UGT1A5: variants seen among roughly 807,000 people sequenced by gnomAD.
The protein encoded by UGT1A5 is UDP glucuronosyltransferase family 1 member A5, also known as UDP-glucuronosyltransferase 1A5.
UGT1A5 carries 29 observed loss-of-function variants against 40.3 expected under a neutral mutation model. The ratio of observed to expected loss-of-function variants is 0.72; its 90% confidence interval spans 0.54 to 0.98. The LOEUF is 0.98. Among genes scored for constraint, UGT1A5 ranks in the 50% least tolerant of loss-of-function variants. UGT1A5 has a pLI of 0.00. For missense variants in UGT1A5, 678 were observed against 677.9 expected (o/e 1.00, Z 0.00); for synonymous variants, 257 against 262.5 (o/e 0.98, Z 0.20).
At chr2:233,719,637 A>T in intron 1 of UGT1A5, 1 of 1,614,040 alleles carries the variant, frequency 6.2e-7, no homozygotes. Flanking sequence ...CATGCCCAAC[A>T]TGGTCTTCAT....
At chr2:233,748,791 G>A (rs576937034) in intron 1 of UGT1A5, among the ~76,000 whole-genome samples, 1 of 151,524 alleles carries the variant, frequency 6.6e-6, no homozygotes, top group Admixed American at 6.6e-5. Flanking sequence ...TACTTGGAAT[G>A]CTGAAATTAT....
intron 4 of UGT1A5, 140 bp downstream of exon 4, chr2:233,768,579 CTTCTT>C (rs1699651499): frequency 9.6e-6 from 9 of 934,870 alleles, no homozygotes; most frequent in Non-Finnish European, 1.1e-5. Flanking sequence ...ATTTTTATTT[CTTCTT>C]TTTTTTTTTT....
intron 4 of UGT1A5, chr2:233,770,393 C>G (rs1386962280): frequency 3.3e-5 from 5 of 152,162 alleles, no homozygotes; most frequent in Admixed American, 3.3e-4. Context: ...GTGGCTCATG[C>G]CTGTAGTCCC....
Position 233,745,112 on chromosome 2 carries a change from G to A in UGT1A5, c.868-21922G>A, listed in dbSNP as rs1457181143. Among the ~76,000 whole-genome samples the A allele has an allele frequency of 3.3e-5, 5 of 151,730 alleles. No individual in the cohort carries two copies. In the South Asian group the frequency reaches 8.3e-4, roughly 25 times the overall value. On this transcript the variant is annotated intron_variant, in intron 1 of 4. Coordinates refer to ENST00000373414, the MANE Select transcript of UGT1A5 (RefSeq NM_019078.2). ...TCCCCCCAAATATTTTTAATCTGCT[G>A]TTGGCTGAATCTGCAGATGTGAAGC...
chr2:233,713,613 C>A lies in UGT1A5; in HGVS notation c.622C>A (p.Leu208Met), dbSNP rs769573194. The stretch of plus-strand genomic sequence containing the variant: ...GACCAATTCAGACCACATGACATTC[C>A]TGCAAAGGGTCAAGAACATGCTCTA... ...LTTNSDHMTF[L>M]QRVKNMLYPL... is the part of the protein sequence containing the mutation. The change falls in exon 1 of 5, where the codon CTG (leucine) becomes ATG (methionine). Residue 208 changes from leucine to methionine, a missense_variant. Physicochemically the swap from Leu to Met is conservative, Grantham distance 15 (BLOSUM62 2). Coordinates refer to ENST00000373414, the MANE Select transcript of UGT1A5 (RefSeq NM_019078.2). The A allele has an allele frequency of 5.0e-6, 8 of 1,614,012 alleles. No homozygotes were observed. The highest frequency in any genetic ancestry group is 2.7e-5 in the African/African-American group (2 of 75,058).
intron 1 of UGT1A5, among the ~76,000 whole-genome samples, chr2:233,750,390 A>T (rs1292559370): frequency 3.9e-5 from 6 of 151,942 alleles, no homozygotes; most frequent in Admixed American, 2.0e-4. Context: ...AAGTTTGGAA[A>T]ATTTGCAGCC....
At chr2:233,747,277 G>A (rs1044373750) in intron 1 of UGT1A5, 304 of 1,599,338 alleles carry the variant, frequency 1.9e-4, no homozygotes, top group Non-Finnish European at 2.4e-4. Context: ...CCTTCTCAGT[G>A]CCCAGCCCTG....
chr2:233,741,893 G>A (rs1575644502), intron 1 of UGT1A5: 1 of 151,848 alleles, frequency 6.6e-6, no homozygotes. Context: ...TAGAAGAAGG[G>A]ACCCTTTGTG....
At chr2:233,753,221 CTTCTTGTAT>C (rs979493311) in intron 1 of UGT1A5, 4 of 152,156 alleles carry the variant, frequency 2.6e-5, no homozygotes, top group African/African-American at 9.7e-5. Flanking sequence ...TATTTTGATA[CTTCTTGTAT>C]AGTTATTATT....
intron 1 of UGT1A5, chr2:233,719,247 G>A: frequency 1.2e-6 from 2 of 1,614,186 alleles, no homozygotes. Context: ...GCACCTGAAT[G>A]CTACTTCCTT....
intron 1 of UGT1A5, among the ~76,000 whole-genome samples, chr2:233,749,386 AT>A (rs1439732191): frequency 2.6e-5 from 4 of 151,906 alleles, no homozygotes; most frequent in Non-Finnish European, 5.9e-5. Flanking sequence ...CAGTTTTTCA[AT>A]GTGAACATAT....
intron 1 of UGT1A5, among the ~76,000 whole-genome samples, chr2:233,724,570 G>T (rs1305921166): frequency 1.6e-5 from 2 of 128,200 alleles, no homozygotes; most frequent in Non-Finnish European, 3.3e-5. Flanking sequence ...GGGGCGGCGG[G>T]GCAGAGGCGC....
At chr2:233,758,761 T>C (rs892563894) in intron 1 of UGT1A5, among the ~76,000 whole-genome samples, 1 of 152,200 alleles carries the variant, frequency 6.6e-6, no homozygotes, top group Non-Finnish European at 1.5e-5. Context: ...GTGATGTGTA[T>C]GGTTCAAATG....
intron 1 of UGT1A5, among the ~76,000 whole-genome samples, chr2:233,751,737 T>C (rs1413280184): frequency 2.0e-5 from 3 of 152,206 alleles, no homozygotes; most frequent in Admixed American, 2.0e-4. Flanking sequence ...TCCTCTCTGT[T>C]TCTCTCTTGC....
intron 1 of UGT1A5, among the ~76,000 whole-genome samples, chr2:233,762,572 C>A (rs947472049): frequency 6.6e-6 from 1 of 152,114 alleles, no homozygotes; most frequent in Non-Finnish European, 1.5e-5. Flanking sequence ...GTCTAGTTCC[C>A]CACAGAGGAA....
intron 1 of UGT1A5, among the ~76,000 whole-genome samples, chr2:233,728,333 C>G (rs2077701109): frequency 6.6e-6 from 1 of 152,198 alleles, no homozygotes; most frequent in Non-Finnish European, 1.5e-5. Context: ...CCAGCTCCCC[C>G]AGTCCCTTGG....
At chr2:233,754,954 C>A (rs761740156) in intron 1 of UGT1A5, 10 of 1,315,520 alleles carry the variant, frequency 7.6e-6, no homozygotes, top group Non-Finnish European at 9.2e-6. Flanking sequence ...GGGTCCCGGC[C>A]GCCAAAGAAC....
chr2:233,727,133 C>G (rs1484837556), intron 1 of UGT1A5, among the ~76,000 whole-genome samples: 1 of 152,194 alleles, frequency 6.6e-6, no homozygotes, highest in African/African-American at 2.4e-5. Flanking sequence ...CAGAGGGGAA[C>G]AAGACCACAC....
chr2:233,713,382 C>G lies in UGT1A5; in HGVS notation c.391C>G (p.Leu131Val), dbSNP rs201021989. 48 of 1,614,012 alleles carry G rather than the reference C, an allele frequency of 3.0e-5. No homozygotes were observed. The highest frequency in any genetic ancestry group is 4.0e-5 in the Non-Finnish European group (47 of 1,180,030). Reference protein sequence around the residue: ...SLIIHRSCVELLHNEALIRHL... With the variant: ...SLIIHRSCVEVLHNEALIRHL... ...GATCATACATAGGTCTTGTGTGGAG[C>G]TACTGCATAATGAGGCCCTGATCAG... Residue 131 changes from leucine to valine, a missense_variant, in exon 1 of 5, where the codon CTA becomes GTA. Coordinates refer to ENST00000373414, the MANE Select transcript of UGT1A5 (RefSeq NM_019078.2).
Sources: allele counts gnomAD v4.1 joint callset (sites outside exome capture counted in the v4.1 genomes callset), GRCh38; gene constraint gnomAD v4.1.1; transcripts MANE v1.5; gene names NCBI Gene and HGNC (gene_info 2026-07-23, HGNC 2026-07-21).